The following SLCO6A1 variants were observed in gnomAD, a reference collection of about 807,000 sequenced individuals.
The protein encoded by SLCO6A1 is solute carrier organic anion transporter family member 6A1, also known as cancer/testis antigen 48.
SLCO6A1 carries 65 observed loss-of-function variants against 72.7 expected under a neutral mutation model. The ratio of observed to expected loss-of-function variants is 0.89; its 90% confidence interval spans 0.73 to 1.10. The LOEUF (loss-of-function observed/expected upper bound fraction) is 1.10, where lower values mean the gene tolerates loss of function less well. SLCO6A1 is among the 50% of genes least tolerant of loss of function. SLCO6A1 has a pLI of 0.00. For missense variants in SLCO6A1, 874 were observed against 872.6 expected (o/e 1.00, Z -0.02); for synonymous variants, 314 against 298.2 (o/e 1.05, Z -0.55).
intron 1 of SLCO6A1, among the ~76,000 whole-genome samples, chr5:102,484,081 C>T (rs1340420236): frequency 6.6e-6 from 1 of 152,204 alleles, no homozygotes; most frequent in African/African-American, 2.4e-5. Flanking sequence ...AAAGGTTCCA[C>T]CACAAGAGTC....
chr5:102,451,141 A>G (rs1450829009), intron 6 of SLCO6A1, among the ~76,000 whole-genome samples: 2 of 152,176 alleles, frequency 1.3e-5, no homozygotes, highest in Admixed American at 6.5e-5. Flanking sequence ...TAAGGAAGCT[A>G]CACTGTGCAG....
At chr5:102,409,213 G>A (rs1168905202) in intron 9 of SLCO6A1, among the ~76,000 whole-genome samples, 2 of 151,470 alleles carry the variant, frequency 1.3e-5, no homozygotes, top group Admixed American at 6.6e-5. Context: ...TAGTACAGCT[G>A]TACTTTTCTA....
At chr5:102,468,212 C>T (rs946312953) in intron 4 of SLCO6A1, among the ~76,000 whole-genome samples, 2 of 151,970 alleles carry the variant, frequency 1.3e-5, no homozygotes, top group East Asian at 1.9e-4. Flanking sequence ...GATATGCTTT[C>T]CATTGTCTTA....
At chr5:102,444,381 C>G (rs1021532162) in intron 6 of SLCO6A1, among the ~76,000 whole-genome samples, 1 of 152,010 alleles carries the variant, frequency 6.6e-6, no homozygotes, top group Middle Eastern at 3.2e-3. Flanking sequence ...CTGATTCTGC[C>G]AGTAAAAGAC....
At chr5:102,388,168 T>G (rs1439796528) in intron 12 of SLCO6A1, among the ~76,000 whole-genome samples, 1 of 152,110 alleles carries the variant, frequency 6.6e-6, no homozygotes, top group Admixed American at 6.6e-5. Flanking sequence ...TCAAGAAATT[T>G]TTTTGTATAT....
chr5:102,435,475 G>A (rs1212370886), intron 7 of SLCO6A1, among the ~76,000 whole-genome samples: 1 of 152,166 alleles, frequency 6.6e-6, no homozygotes, highest in Non-Finnish European at 1.5e-5. Flanking sequence ...CAGAAACAAT[G>A]TAGAATCCAA....
At chr5:102,462,520 T>C (rs1386996511) in intron 4 of SLCO6A1, among the ~76,000 whole-genome samples, 2 of 152,176 alleles carry the variant, frequency 1.3e-5, no homozygotes, top group Non-Finnish European at 2.9e-5. Context: ...AGCAGCATGC[T>C]ACTGGTATAA....
intron 6 of SLCO6A1, among the ~76,000 whole-genome samples, chr5:102,439,394 A>C (rs918678359): frequency 5.9e-5 from 9 of 152,068 alleles, no homozygotes; most frequent in African/African-American, 2.2e-4. Context: ...CTTTCAAATT[A>C]GTTTCTGTAT....
At chr5:102,420,058 A>G in intron 7 of SLCO6A1, 37 bp from the exon 8 acceptor site, 2 of 1,491,296 alleles carry the variant, frequency 1.3e-6, no homozygotes, top group Non-Finnish European at 1.8e-6. Flanking sequence ...GTTAAAAATA[A>G]TCAGCTGATA....
At chr5:102,466,591 A>G (rs1169752770) in intron 4 of SLCO6A1, among the ~76,000 whole-genome samples, 1 of 152,126 alleles carries the variant, frequency 6.6e-6, no homozygotes, top group East Asian at 1.9e-4. Context: ...TCTTTGAGGA[A>G]TTACCGCACT....
intron 3 of SLCO6A1, among the ~76,000 whole-genome samples, chr5:102,476,885 G>C (rs1012975600): frequency 1.1e-4 from 17 of 150,466 alleles, no homozygotes; most frequent in Non-Finnish European, 4.5e-5. Context: ...AAAAGTGATA[G>C]TTAGATAACC....
intron 6 of SLCO6A1, among the ~76,000 whole-genome samples, chr5:102,439,624 G>A (rs1415412580): frequency 6.6e-6 from 1 of 151,938 alleles, no homozygotes; most frequent in Non-Finnish European, 1.5e-5. Context: ...TACTTGTCTT[G>A]CCTTCAACTC....
intron 10 of SLCO6A1, among the ~76,000 whole-genome samples, chr5:102,393,962 C>A (rs944632698): frequency 5.9e-5 from 9 of 152,112 alleles, no homozygotes; most frequent in Non-Finnish European, 1.3e-4. Context: ...CATTCTTAGC[C>A]CCATGTGATC....
intron 9 of SLCO6A1, among the ~76,000 whole-genome samples, chr5:102,412,418 C>T (rs1387828374): frequency 6.6e-6 from 1 of 152,104 alleles, no homozygotes; most frequent in Non-Finnish European, 1.5e-5. Context: ...AGGAATATCT[C>T]TTTCACTCCC....
intron 6 of SLCO6A1, among the ~76,000 whole-genome samples, chr5:102,446,989 G>A (rs1431285003): frequency 6.6e-6 from 1 of 152,038 alleles, no homozygotes; most frequent in East Asian, 1.9e-4. Context: ...TCCTGACCTC[G>A]TGATTTGCCA....
intron 1 of SLCO6A1, among the ~76,000 whole-genome samples, chr5:102,489,707 A>G (rs1292779937): frequency 6.6e-6 from 1 of 152,232 alleles, no homozygotes; most frequent in Non-Finnish European, 1.5e-5. Flanking sequence ...AAAACTAAAA[A>G]TAGAACTACC....
chr5:102,406,746 A>T (rs1275420719), intron 9 of SLCO6A1, among the ~76,000 whole-genome samples: 1 of 151,106 alleles, frequency 6.6e-6, no homozygotes, highest in Non-Finnish European at 1.5e-5. Context: ...TTTGTATTCT[A>T]AAAAAAAACA....
At chr5:102,402,136 T>A (rs1277758767) in intron 9 of SLCO6A1, among the ~76,000 whole-genome samples, 1 of 151,886 alleles carries the variant, frequency 6.6e-6, no homozygotes, top group Non-Finnish European at 1.5e-5. Context: ...GAAATTGAGA[T>A]CATGGAAGGA....
At chr5:102,386,623 A>G (rs1676943002) in intron 12 of SLCO6A1, among the ~76,000 whole-genome samples, 1 of 152,178 alleles carries the variant, frequency 6.6e-6, no homozygotes, top group Admixed American at 6.5e-5. Context: ...TTCCCAGCCC[A>G]GTGCCTAGGG....
Sources: allele counts gnomAD v4.1 joint callset (sites outside exome capture counted in the v4.1 genomes callset), GRCh38; gene constraint gnomAD v4.1.1; transcripts MANE v1.5; gene names NCBI Gene and HGNC (gene_info 2026-07-23, HGNC 2026-07-21).